NRG1: variants seen among roughly 807,000 people sequenced by gnomAD.
NRG1 encodes pro-neuregulin-1, membrane-bound isoform.
A neutral mutation model predicts 63.8 loss-of-function variants in NRG1; 18 were observed. The ratio of observed to expected loss-of-function variants is 0.28; its 90% CI spans 0.19 to 0.42. The LOEUF (loss-of-function observed/expected upper bound fraction) is 0.42. Among genes scored for constraint, NRG1 ranks in the 10% least tolerant of loss-of-function variants. The probability of loss-of-function intolerance (pLI) is 1.00; values close to 1 mark genes in which losing one functional copy is unlikely to be tolerated. For missense variants in NRG1, 762 were observed against 814.7 expected (o/e 0.94, Z 0.79); for synonymous variants, 302 against 301.3 (o/e 1.00, Z -0.02).
chr8:32,769,952 T>C (rs966079115), downstream of NRG1, among the ~76,000 whole-genome samples: 3 of 152,212 alleles, frequency 2.0e-5, no homozygotes, highest in Non-Finnish European at 4.4e-5. Context: ...GGAAATCTAT[T>C]GTGATCTACC....
At chr8:32,118,135 G>T in intron 1 of NRG1, among the ~76,000 whole-genome samples, 1 of 152,068 alleles carries the variant, frequency 6.6e-6, no homozygotes, top group East Asian at 1.9e-4. Flanking sequence ...GCTATGGTTT[G>T]TTAGACTCCT....
intron 5 of NRG1, among the ~76,000 whole-genome samples, chr8:32,718,495 G>T (rs756476651): frequency 5.3e-5 from 8 of 152,082 alleles, no homozygotes; most frequent in Non-Finnish European, 8.8e-5. Flanking sequence ...GAGACCATTA[G>T]TTTCATTAAT....
At chr8:31,655,419 G>A (rs1477438110) in intron 1 of NRG1, among the ~76,000 whole-genome samples, 1 of 152,144 alleles carries the variant, frequency 6.6e-6, no homozygotes. Flanking sequence ...GTCTTTTTGA[G>A]AAAGAAGCAT....
intron 1 of NRG1, among the ~76,000 whole-genome samples, chr8:32,204,268 A>G (rs893027468): frequency 7.2e-5 from 11 of 152,214 alleles, no homozygotes; most frequent in Admixed American, 6.5e-4. Context: ...ACAGCAAACC[A>G]TTGAAAGAGT....
intron 1 of NRG1, among the ~76,000 whole-genome samples, chr8:31,936,566 T>C (rs1800939733): frequency 6.6e-6 from 1 of 152,218 alleles, no homozygotes; most frequent in Admixed American, 6.5e-5. Flanking sequence ...ATTACATTTC[T>C]GATTTACATA....
exon 12 of NRG1, chr8:32,764,793 G>A (rs1831292180): frequency 6.2e-6 from 1 of 162,008 alleles, no homozygotes; most frequent in Non-Finnish European, 1.4e-5. Flanking sequence ...CTGTTTGCTT[G>A]TAGTAGCACC....
intron 1 of NRG1, among the ~76,000 whole-genome samples, chr8:32,059,670 A>C (rs917597904): frequency 2.4e-4 from 37 of 152,120 alleles, no homozygotes; most frequent in African/African-American, 7.5e-4. Flanking sequence ...TTTCCCTTTA[A>C]AAACTTTTAG....
chr8:32,497,855 C>T (rs1827396081), intron 1 of NRG1, among the ~76,000 whole-genome samples: 1 of 152,178 alleles, frequency 6.6e-6, no homozygotes, highest in South Asian at 2.1e-4. Context: ...CAGAGTTTCA[C>T]TCTTGTTGCC....
At chr8:32,066,585 C>T (rs1481245592) in intron 1 of NRG1, among the ~76,000 whole-genome samples, 1 of 152,080 alleles carries the variant, frequency 6.6e-6, no homozygotes, top group East Asian at 1.9e-4. Context: ...GTTTTGGTTA[C>T]TGTAGCCTTG....
chr8:31,881,450 C>T (rs940065981), intron 1 of NRG1, among the ~76,000 whole-genome samples: 2 of 152,178 alleles, frequency 1.3e-5, no homozygotes, highest in African/African-American at 2.4e-5. Flanking sequence ...TTAGGCCTCC[C>T]TATTCCTTGA....
chr8:32,766,076 G>A (rs1831407814), exon 12 of NRG1: 1 of 152,304 alleles, frequency 6.6e-6, no homozygotes, highest in African/African-American at 2.4e-5. Context: ...CATGAAGTCA[G>A]TGAGAGTAAT....
intron 1 of NRG1, among the ~76,000 whole-genome samples, chr8:32,078,992 A>T (rs1827025155): frequency 6.6e-6 from 1 of 152,190 alleles, no homozygotes. Context: ...TATGTCAACC[A>T]TTTCTGAAAC....
intron 1 of NRG1, among the ~76,000 whole-genome samples, chr8:32,501,052 A>G (rs1264657334): frequency 6.6e-6 from 1 of 152,220 alleles, no homozygotes; most frequent in Non-Finnish European, 1.5e-5. Flanking sequence ...ATGAATCTCT[A>G]ATATGCTCTT....
chr8:31,748,415 G>T (rs1167231421), intron 1 of NRG1, among the ~76,000 whole-genome samples: 1 of 151,882 alleles, frequency 6.6e-6, no homozygotes, highest in Non-Finnish European at 1.5e-5. Flanking sequence ...AAGTGATTGG[G>T]CCAATGTTTG....
intron 1 of NRG1, among the ~76,000 whole-genome samples, chr8:32,575,629 A>C (rs1839486285): frequency 6.6e-6 from 1 of 152,226 alleles, no homozygotes; most frequent in African/African-American, 2.4e-5. Context: ...CCCTGTGGGC[A>C]TTTAATGCTC....
At chr8:32,298,732 A>AAAG (rs1554501182) in intron 1 of NRG1, among the ~76,000 whole-genome samples, 5 of 110,866 alleles carry the variant, frequency 4.5e-5, no homozygotes, top group South Asian at 2.7e-4. Context: ...AAAAAAAAAG[A>AAAG]AAAGAAAAGA....
At chr8:31,946,858 G>T (rs1319596572) in intron 1 of NRG1, among the ~76,000 whole-genome samples, 1 of 152,176 alleles carries the variant, frequency 6.6e-6, no homozygotes, top group Non-Finnish European at 1.5e-5. Flanking sequence ...AAGAGGATAA[G>T]ATACCTATAA....
At chr8:32,310,257 A>G (rs2129475885) in intron 1 of NRG1, among the ~76,000 whole-genome samples, 1 of 152,338 alleles carries the variant, frequency 6.6e-6, no homozygotes, top group Admixed American at 6.5e-5. Context: ...TGCATAGAAA[A>G]AAGAACTTGT....
At chr8:32,402,355 C>G (rs906536040) in intron 1 of NRG1, among the ~76,000 whole-genome samples, 8 of 152,244 alleles carry the variant, frequency 5.3e-5, no homozygotes, top group African/African-American at 1.2e-4. Flanking sequence ...CAGTGGGCCC[C>G]CTCTGATTCG....
Sources: gnomAD v4.1 joint callset for allele counts (sites outside exome capture counted in the v4.1 genomes callset) on GRCh38, gnomAD v4.1.1 for gene constraint, MANE v1.5 for transcripts, NCBI Gene and HGNC (gene_info 2026-07-23, HGNC 2026-07-21) for gene names.